The following CFAP100 variants were observed in gnomAD, a reference collection of about 807,000 sequenced individuals.
CFAP100 encodes the protein cilia- and flagella-associated protein 100.
CFAP100 carries 70 observed loss-of-function variants against 81.5 expected under a neutral mutation model. The observed-to-expected ratio is 0.86, with a 90% CI of 0.71 to 1.05. The LOEUF (loss-of-function observed/expected upper bound fraction) is 1.05, where lower values mean the gene tolerates loss of function less well. Ranked by LOEUF, CFAP100 falls within the 50% of genes least tolerant of loss-of-function variation. CFAP100 has a pLI of 0.00. For missense variants in CFAP100, 811 were observed against 776.5 expected, an observed-to-expected ratio of 1.04 and a Z score of -0.53; for synonymous variants, 341 against 314.8, an observed-to-expected ratio of 1.08 and a Z score of -0.88.
At position 126,436,246 on chromosome 3, in the gene CFAP100, C is replaced by A. The variant is rs372775299; in HGVS notation, c.1723-45C>A. The A allele has an allele frequency of 5.1e-5, 76 of 1,495,904 alleles. No homozygotes were observed. In the African/African-American group the frequency reaches 8.8e-4, roughly 17 times the overall value. The allele number at this position is 1,495,904 out of a possible 1,614,324, so 92.7% of individuals were successfully genotyped here. Reference sequence around the variant, plus strand: ...CCAGGGGCAGGGGTATATGGGCATACGGCTCACTAGGCAGCAAGGCTCACT... The same window carrying A: ...CCAGGGGCAGGGGTATATGGGCATAAGGCTCACTAGGCAGCAAGGCTCACT... On this transcript the variant is annotated intron_variant, in intron 16 of 16. Transcript: ENST00000352312.
chr3:126,428,305 A>C (rs1041441031), intron 13 of CFAP100, among the ~76,000 whole-genome samples: 5 of 152,246 alleles, frequency 3.3e-5, no homozygotes. Context: ...ATTCTGGAGA[A>C]GGCATAACTG....
Position 126,401,395 on chromosome 3 carries a change from T to TTTTA in CFAP100, c.49+5348_49+5351dup, listed in dbSNP as rs1553787532. 1.1e-4 allele frequency among the ~76,000 whole-genome samples: 6 copies of TTTTA among 55,068 alleles called. No homozygotes were observed. The South Asian group carries it at 3.9e-3, about 36-fold the overall frequency. 36.1% of individuals were successfully genotyped at this position (55,068 alleles called of 152,430 possible). On this transcript the variant is annotated intron_variant, in intron 2 of 16. Transcript: ENST00000352312. Reference sequence around the variant, plus strand: ...CAATGGCATAAAATGGCAAATCGTATTTTATATATATATATATATATATAT... The same window carrying TTTTA: ...CAATGGCATAAAATGGCAAATCGTATTTTATTTATATATATATATATATATATAT...
chr3:126,430,947 T>C (rs1933197009), intron 13 of CFAP100, among the ~76,000 whole-genome samples: 1 of 152,146 alleles, frequency 6.6e-6, no homozygotes, highest in Non-Finnish European at 1.5e-5. Flanking sequence ...GCTTATCAGG[T>C]TCCTTTTGTG....
Position 126,416,341 on chromosome 3 carries a change from G to A in CFAP100, c.251G>A (p.Arg84Gln), listed in dbSNP as rs975413009. The change falls in exon 5 of 17, where the codon CGG becomes CAG. Residue 84 changes from arginine to glutamine, a missense_variant. Physicochemically the swap from Arg to Gln is conservative, Grantham distance 43. Transcript: ENST00000352312. Reference sequence around the variant, plus strand: ...GAACGGCAGCAGCAGAAGACGATGCGGGTGCACCAGAAGATGACCTACTCC... The same window carrying A: ...GAACGGCAGCAGCAGAAGACGATGCAGGTGCACCAGAAGATGACCTACTCC... ...LSERQQQKTM[R>Q]VHQKMTYSSK... The A allele has an allele frequency of 2.5e-6, 4 of 1,601,936 alleles. No individual in the cohort carries two copies. The highest frequency in any genetic ancestry group is 1.3e-5 in the African/African-American group (1 of 74,576).
chr3:126,408,574 T>C (rs1220331179), intron 3 of CFAP100, among the ~76,000 whole-genome samples: 3 of 152,274 alleles, frequency 2.0e-5, no homozygotes, highest in African/African-American at 7.2e-5. Flanking sequence ...CTGGGACTGC[T>C]TCTCTGTGCC....
intron 2 of CFAP100, among the ~76,000 whole-genome samples, chr3:126,400,460 A>C (rs56034374): frequency 0.032 from 4,921 of 152,276 alleles, 270 homozygotes; most frequent in African/African-American, 0.11. Context: ...ACTGAGAAAA[A>C]TAGGCAGTTC....
Position 126,416,444 on chromosome 3 carries a change from C to A in CFAP100, c.354C>A (p.Arg118=), listed in dbSNP as rs1009220894. The stretch of plus-strand genomic sequence containing the variant: ...ACAAGCAGGAGGACCTGGAGGCGCG[C>A]GCCGAGGCCGAGCATCAGCGCGCCT... ...LEDKQEDLEA[R]AEAEHQRAFR... The change falls in exon 5 of 17, where the codon CGC becomes CGA. Residue 118 remains arginine, a synonymous_variant. Transcript: ENST00000352312. 3.1e-6 allele frequency: 5 copies of A among 1,610,584 alleles called. No individual in the cohort carries two copies. In the East Asian group the frequency reaches 1.1e-4, roughly 36 times the overall value.
chr3:126,434,435 A>G, intron 15 of CFAP100, 54 bp downstream of exon 15: 1 of 1,557,838 alleles, frequency 6.4e-7, no homozygotes, highest in East Asian at 2.3e-5. Flanking sequence ...CCCTGAGGGC[A>G]GAGGGCACAT....
chr3:126,426,150 A>C (rs1212524037), intron 13 of CFAP100, among the ~76,000 whole-genome samples: 2 of 152,240 alleles, frequency 1.3e-5, no homozygotes, highest in African/African-American at 4.8e-5. Flanking sequence ...CTATGTAGAA[A>C]ATTCAAAACA....
chr3:126,397,439 A>G (rs952190066), intron 2 of CFAP100, among the ~76,000 whole-genome samples: 1 of 152,260 alleles, frequency 6.6e-6, no homozygotes, highest in Non-Finnish European at 1.5e-5. Context: ...TAGATAACAA[A>G]TTAACTCTCA....
rs1560077225 is a variant in CFAP100, at chr3:126,423,389, G to A, written c.1134+13G>A. 1 of 1,612,894 alleles carries A rather than the reference G, an allele frequency of 6.2e-7. No homozygotes were observed. The highest frequency in any genetic ancestry group is 1.1e-5 in the South Asian group (1 of 90,932). On this transcript the variant is annotated intron_variant, in intron 12 of 16. Coordinates refer to ENST00000352312, the MANE Select transcript of CFAP100 (RefSeq NM_182628.3). Reference sequence around the variant, plus strand: ...CAGCGATGGGGAGGTGAATGGCCCAGTGCTGGGCTGGAATTCGGAAGTCGC... The same window carrying A: ...CAGCGATGGGGAGGTGAATGGCCCAATGCTGGGCTGGAATTCGGAAGTCGC...
chr3:126,435,794 G>A, intron 16 of CFAP100, 142 bp downstream of exon 16: 1 of 633,828 alleles, frequency 1.6e-6, no homozygotes. Flanking sequence ...TGCCTTCGGA[G>A]CAAGGCCTCT....
At chr3:126,419,286 AG>A in intron 8 of CFAP100, 130 bp downstream of exon 8, 1 of 642,926 alleles carries the variant, frequency 1.6e-6, no homozygotes, top group African/African-American at 1.8e-5. Flanking sequence ...TGCTTCCATG[AG>A]GCTGTTGCCC....
chr3:126,415,769 G>A (rs2083226194), intron 4 of CFAP100, among the ~76,000 whole-genome samples: 3 of 152,112 alleles, frequency 2.0e-5, no homozygotes, highest in Non-Finnish European at 2.9e-5. Flanking sequence ...GGGTCGGGGT[G>A]TGGGGAGGTG....
intron 11 of CFAP100, 77 bp downstream of exon 11, chr3:126,420,306 G>A (rs1359875727): frequency 3.2e-6 from 5 of 1,557,812 alleles, no homozygotes; most frequent in Middle Eastern, 2.3e-4. Context: ...GTGTAGTCAG[G>A]TCTGAGTGCC....
chr3:126,418,898 C>A (rs2083285012), intron 7 of CFAP100, 124 bp downstream of exon 7: 1 of 1,271,192 alleles, frequency 7.9e-7, no homozygotes, highest in Non-Finnish European at 1.1e-6. Flanking sequence ...AGCACCAGGG[C>A]CGGTCGGGAG....
intron 13 of CFAP100, among the ~76,000 whole-genome samples, chr3:126,432,228 G>A (rs180825148): frequency 2.0e-3 from 276 of 137,994 alleles, no homozygotes; most frequent in Non-Finnish European, 3.2e-3. Context: ...GCAGTGAGCC[G>A]AGATTGTGAC....
chr3:126,410,900 A>G (rs2083143327), intron 3 of CFAP100, among the ~76,000 whole-genome samples: 1 of 152,178 alleles, frequency 6.6e-6, no homozygotes, highest in African/African-American at 2.4e-5. Flanking sequence ...AGCTCATCTT[A>G]CAGTTCTGGA....
chr3:126,424,319 T>G (rs951670063), intron 13 of CFAP100, among the ~76,000 whole-genome samples: 1 of 152,190 alleles, frequency 6.6e-6, no homozygotes, highest in Non-Finnish European at 1.5e-5. Flanking sequence ...CTGGGGCCTC[T>G]GGGGACAGGC....
Sources: allele counts gnomAD v4.1 joint callset (sites outside exome capture counted in the v4.1 genomes callset), GRCh38; gene constraint gnomAD v4.1.1; transcripts MANE v1.5; gene names NCBI Gene and HGNC (gene_info 2026-07-23, HGNC 2026-07-21).